NFIB: variants seen among roughly 807,000 people sequenced by gnomAD.
The protein encoded by NFIB is nuclear factor I B.
NFIB carries 11 observed loss-of-function variants against 61.5 expected under a neutral mutation model. The observed-to-expected ratio is 0.18, with a 90% CI of 0.11 to 0.30. NFIB has a LOEUF of 0.30. NFIB is among the 10% of genes least tolerant of loss of function. The pLI is 1.00. For missense variants in NFIB, 471 were observed against 608.9 expected (o/e 0.77, Z 2.38); for synonymous variants, 260 against 216.5 (o/e 1.20, Z -1.76).
At chr9:14,305,981 T>C (rs1168965613) in intron 2 of NFIB, 3 of 1,353,790 alleles carry the variant, frequency 2.2e-6, no homozygotes, top group East Asian at 2.9e-5. Context: ...AGGACATCTA[T>C]ATCTTGATGC....
intron 5 of NFIB, among the ~76,000 whole-genome samples, chr9:14,149,751 T>C (rs1039990717): frequency 2.0e-5 from 3 of 152,196 alleles, no homozygotes; most frequent in African/African-American, 7.2e-5. Context: ...TGTTTCATTA[T>C]CCTAAGCTTA....
intron 6 of NFIB, among the ~76,000 whole-genome samples, chr9:14,136,315 G>A (rs563761299): frequency 6.6e-6 from 1 of 152,202 alleles, no homozygotes; most frequent in African/African-American, 2.4e-5. Flanking sequence ...GCAGGACTTG[G>A]AGCATATTTT....
chr9:14,345,606 G>A (rs7870860), intron 1 of NFIB, among the ~76,000 whole-genome samples: 2 of 151,910 alleles, frequency 1.3e-5, no homozygotes, highest in Non-Finnish European at 2.9e-5. Flanking sequence ...GTGCTTCTGC[G>A]CTCCGAAGTG....
At chr9:14,352,042 A>T (rs999661250) in intron 1 of NFIB, among the ~76,000 whole-genome samples, 1 of 152,214 alleles carries the variant, frequency 6.6e-6, no homozygotes, top group Non-Finnish European at 1.5e-5. Context: ...TTGAGTGAGC[A>T]TCAACTGTGC....
At chr9:14,209,108 C>T (rs12236711) in intron 2 of NFIB, among the ~76,000 whole-genome samples, 31,830 of 152,172 alleles carry the variant, frequency 0.21, 5,741 homozygotes, top group African/African-American at 0.49. Flanking sequence ...CAATACATCA[C>T]AGCCCAGCCT....
chr9:14,456,133 A>G, the NFIB span, among the ~76,000 whole-genome samples: 6 of 152,190 alleles, frequency 3.9e-5, no homozygotes, highest in East Asian at 1.9e-4. Flanking sequence ...GTCAAAAATT[A>G]TCAAATATTG....
intron 1 of NFIB, among the ~76,000 whole-genome samples, chr9:14,332,474 A>G (rs2060834310): frequency 6.6e-6 from 1 of 152,092 alleles, no homozygotes; most frequent in Non-Finnish European, 1.5e-5. Flanking sequence ...TTTTTCCTAG[A>G]AAGGTAAGAA....
intron 2 of NFIB, among the ~76,000 whole-genome samples, chr9:14,207,759 G>A (rs922879944): frequency 6.6e-6 from 1 of 151,962 alleles, no homozygotes; most frequent in African/African-American, 2.4e-5. Flanking sequence ...ATGTTACTAC[G>A]GTCTTGGCTG....
chr9:14,482,141 A>C, the NFIB span, among the ~76,000 whole-genome samples: 4 of 135,966 alleles, frequency 2.9e-5, no homozygotes, highest in Non-Finnish European at 6.1e-5. Context: ...CTTTCTCCCA[A>C]AAACAAGGTT....
intron 6 of NFIB, among the ~76,000 whole-genome samples, chr9:14,127,922 A>G (rs1273305002): frequency 7.0e-6 from 1 of 143,738 alleles, no homozygotes; most frequent in Non-Finnish European, 1.5e-5. Flanking sequence ...CCATTTCTGT[A>G]TATCTTTTTC....
intron 2 of NFIB, among the ~76,000 whole-genome samples, chr9:14,227,141 CAAAAAAAA>C (rs747407066): frequency 2.3e-5 from 2 of 85,130 alleles, no homozygotes; most frequent in African/African-American, 4.0e-5. Context: ...AACTCCGTGT[CAAAAAAAA>C]AAAAAAAAAG....
the NFIB span, among the ~76,000 whole-genome samples, chr9:14,527,221 C>G: frequency 2.6e-5 from 4 of 152,022 alleles, no homozygotes; most frequent in African/African-American, 9.7e-5. Context: ...TTCTCTGTGA[C>G]AAAATTTGAT....
chr9:14,140,390 G>C (rs2041551892), intron 6 of NFIB, among the ~76,000 whole-genome samples: 1 of 152,106 alleles, frequency 6.6e-6, no homozygotes, highest in Non-Finnish European at 1.5e-5. Context: ...TCCAAAGTTT[G>C]GGCCTAGGAT....
chr9:14,340,666 A>C (rs886619845), intron 1 of NFIB, among the ~76,000 whole-genome samples: 23 of 152,256 alleles, frequency 1.5e-4, no homozygotes, highest in South Asian at 4.1e-4. Flanking sequence ...GCTGCTCTTC[A>C]AACCTTTTCG....
At chr9:14,298,419 A>T (rs778974729) in intron 2 of NFIB, among the ~76,000 whole-genome samples, 2 of 152,196 alleles carry the variant, frequency 1.3e-5, no homozygotes, top group Non-Finnish European at 2.9e-5. Context: ...TGAAAAGTCA[A>T]CCTCAGACGA....
At chr9:14,336,225 T>C (rs2060884724) in intron 1 of NFIB, among the ~76,000 whole-genome samples, 1 of 152,250 alleles carries the variant, frequency 6.6e-6, no homozygotes, top group East Asian at 1.9e-4. Flanking sequence ...TGTTACAACA[T>C]GAAGCTGCAA....
chr9:14,382,525 A>T (rs186072553), intron 1 of NFIB, among the ~76,000 whole-genome samples: 43 of 152,268 alleles, frequency 2.8e-4, no homozygotes, highest in African/African-American at 9.6e-4. Flanking sequence ...AGAGCCTGAC[A>T]TGCAGCCTGG....
rs368566910 is a variant in NFIB at position 14,088,268 on chromosome 9, G to C, written c.*41C>G. 2 of 1,594,662 alleles carry C rather than the reference G, an allele frequency of 1.3e-6. No homozygotes were observed. Among genetic ancestry groups the C allele is most frequent in the Non-Finnish European group, 1.7e-6 (2 of 1,168,732 alleles). The stretch of plus-strand genomic sequence containing the variant: ...AAACCGTAATTTTGGACATTGGCCG[G>C]TAAGATGGGTGTCCTATTTGACACT... On this transcript the variant is annotated 3_prime_UTR_variant, in exon 11 of 11. Transcript: ENST00000380953.
chr9:14,238,828 A>T (rs973421371), intron 2 of NFIB, among the ~76,000 whole-genome samples: 3 of 152,180 alleles, frequency 2.0e-5, no homozygotes, highest in African/African-American at 4.8e-5. Flanking sequence ...CCCAACCGAG[A>T]TATAAATCTG....
Sources: allele counts gnomAD v4.1 joint callset (sites outside exome capture counted in the v4.1 genomes callset), GRCh38; gene constraint gnomAD v4.1.1; transcripts MANE v1.5; gene names NCBI Gene and HGNC (gene_info 2026-07-23, HGNC 2026-07-21).